NFAT5: variants seen among roughly 807,000 people sequenced by gnomAD.
The protein encoded by NFAT5 is nuclear factor of activated T-cells 5.
In NFAT5, 31 loss-of-function variants were observed where a neutral mutation model predicts 166.5. That is an observed-to-expected ratio of 0.19 (90% CI 0.14 to 0.25). The LOEUF (loss-of-function observed/expected upper bound fraction) is 0.25, where lower values mean the gene tolerates loss of function less well. NFAT5 is among the 10% of genes least tolerant of loss of function. The pLI, the probability that NFAT5 is intolerant of heterozygous loss-of-function variation, is 1.00. For synonymous variants in NFAT5, 612 were observed against 639.7 expected, an observed-to-expected ratio of 0.96 and a Z score of 0.65; for missense variants, 1,449 against 1,821.8, an observed-to-expected ratio of 0.80 and a Z score of 3.72.
chr16:69,602,200 C>T (rs958446047), intron 2 of NFAT5, among the ~76,000 whole-genome samples: 1 of 151,390 alleles, frequency 6.6e-6, no homozygotes, highest in African/African-American at 2.4e-5. Context: ...AATTAAAATC[C>T]TTTGTGGTAC....
At chr16:69,593,161 TAGTC>T (rs1175749147) in intron 2 of NFAT5, among the ~76,000 whole-genome samples, 1 of 152,198 alleles carries the variant, frequency 6.6e-6, no homozygotes, top group African/African-American at 2.4e-5. Context: ...CAACAAATGT[TAGTC>T]AGAATTTTAT....
Position 69,693,676 on chromosome 16 carries a change from A to G in NFAT5, c.3851A>G (p.Gln1284Arg), listed in dbSNP as rs2037650717. Residue 1284 changes from glutamine (Q) to arginine (R), a missense_variant, in exon 13 of 15, where the codon CAG becomes CGG. By Grantham distance (43) the Gln-to-Arg change is conservative. Around this residue, in one of 7 missense-constraint regions of NFAT5, gnomAD observed 891 missense variants for 993.0 expected, o/e 0.90. Transcript: ENST00000349945. ...QQQQQQQQQQ[Q>R]SILFSNQNTM... Reference sequence around the variant, plus strand: ...CAGCAACAGCAGCAGCAACAACAACAGAGCATTTTATTCAGTAATCAGAAT... The same window carrying G: ...CAGCAACAGCAGCAGCAACAACAACGGAGCATTTTATTCAGTAATCAGAAT... 1 of 1,614,258 alleles carries G rather than the reference A, an allele frequency of 6.2e-7. No individual in the cohort carries two copies. Among genetic ancestry groups the G allele is most frequent in the South Asian group, 1.1e-5 (1 of 91,090 alleles).
intron 2 of NFAT5, among the ~76,000 whole-genome samples, chr16:69,572,836 A>G (rs2016521445): frequency 6.6e-6 from 1 of 151,834 alleles, no homozygotes; most frequent in African/African-American, 2.4e-5. Context: ...AATCTTTGTT[A>G]TTTATTTATT....
chr16:69,669,950 T>A (rs1170668167), intron 7 of NFAT5, 27 bp from the exon 8 acceptor site: 22 of 1,533,120 alleles, frequency 1.4e-5, no homozygotes, highest in Non-Finnish European at 1.7e-5. Flanking sequence ...GTGGTTCTTC[T>A]TATAGAATGC....
intron 6 of NFAT5, among the ~76,000 whole-genome samples, chr16:69,659,425 A>G (rs1264829174): frequency 2.6e-5 from 4 of 152,068 alleles, no homozygotes; most frequent in African/African-American, 7.2e-5. Flanking sequence ...CCTGGGTGAC[A>G]GTGAGACTCC....
At chr16:69,655,839 CTT>C (rs771780261) in intron 6 of NFAT5, 40 bp downstream of exon 6, 12 of 1,475,914 alleles carry the variant, frequency 8.1e-6, no homozygotes, top group Non-Finnish European at 1.1e-5. Context: ...ACATTACACT[CTT>C]GTGTTAGGCA....
At chr16:69,672,952 A>G (rs1242501658) in intron 9 of NFAT5, among the ~76,000 whole-genome samples, 1 of 152,216 alleles carries the variant, frequency 6.6e-6, no homozygotes, top group African/African-American at 2.4e-5. Context: ...AAATTGTAGT[A>G]TTAACTTGCT....
At chr16:69,651,771 A>G (rs760526760) in intron 4 of NFAT5, among the ~76,000 whole-genome samples, 1 of 151,862 alleles carries the variant, frequency 6.6e-6, no homozygotes, top group African/African-American at 2.4e-5. Flanking sequence ...CCTGGGTTCA[A>G]GTGATTCTCC....
intron 2 of NFAT5, among the ~76,000 whole-genome samples, chr16:69,584,620 C>A (rs749308406): frequency 6.6e-6 from 1 of 151,604 alleles, no homozygotes; most frequent in Admixed American, 6.6e-5. Context: ...AAGACACCAT[C>A]TCTACAAAAA....
intron 2 of NFAT5, among the ~76,000 whole-genome samples, chr16:69,572,894 G>A (rs985255185): frequency 6.6e-6 from 1 of 152,060 alleles, no homozygotes; most frequent in African/African-American, 2.4e-5. Flanking sequence ...CCAGGCTGGA[G>A]TGCAGTGGCA....
At chr16:69,610,352 C>G (rs1485796212) in intron 2 of NFAT5, among the ~76,000 whole-genome samples, 1 of 151,886 alleles carries the variant, frequency 6.6e-6, no homozygotes, top group African/African-American at 2.4e-5. Context: ...TTTTGTTTGT[C>G]TAATATTTTT....
intron 3 of NFAT5, chr16:69,646,482 C>G (rs1326849497): frequency 2.0e-6 from 2 of 1,013,970 alleles, no homozygotes; most frequent in Admixed American, 5.7e-5. Flanking sequence ...ATCAGCAGCT[C>G]TTTTCTCATT....
At chr16:69,687,266 C>G (rs151224625) in intron 11 of NFAT5, among the ~76,000 whole-genome samples, 3,357 of 152,062 alleles carry the variant, frequency 0.022, 48 homozygotes, top group South Asian at 0.064. Context: ...CATGGCAAAA[C>G]CCTGTCTCTA....
intron 2 of NFAT5, among the ~76,000 whole-genome samples, chr16:69,572,352 T>G (rs1455122385): frequency 2.0e-5 from 3 of 152,182 alleles, no homozygotes; most frequent in African/African-American, 7.2e-5. Context: ...GTAACTTGTG[T>G]TACAAAAATC....
intron 2 of NFAT5, among the ~76,000 whole-genome samples, chr16:69,593,884 T>C (rs558011247): frequency 6.2e-4 from 94 of 152,346 alleles, no homozygotes; most frequent in Non-Finnish European, 1.1e-3. Context: ...GATCCTGTTT[T>C]CAGCTGTATC....
At chr16:69,646,676 A>G in intron 3 of NFAT5, 1 of 302,630 alleles carries the variant, frequency 3.3e-6, no homozygotes, top group Non-Finnish European at 5.7e-6. Flanking sequence ...GACCACCAGC[A>G]TATATTTCAT....
chr16:69,690,706 T>G, intron 11 of NFAT5: 1 of 259,250 alleles, frequency 3.9e-6, no homozygotes, highest in East Asian at 7.3e-5. Flanking sequence ...TTGAACTGCT[T>G]AAGCTTATTA....
intron 2 of NFAT5, 32 bp from the exon 3 acceptor site, chr16:69,626,371 A>C: frequency 6.4e-7 from 1 of 1,550,998 alleles, no homozygotes; most frequent in Non-Finnish European, 8.7e-7. Context: ...TCTTTTAAAA[A>C]TTGTTTTCTC....
chr16:69,702,705 T>G lies in NFAT5; in HGVS notation c.*6354T>G, dbSNP rs577576601. The G allele has an allele frequency of 1.3e-5, 2 of 152,752 alleles. No homozygotes were observed. The highest frequency in any genetic ancestry group is 4.1e-4 in the South Asian group (2 of 4,828). 9.5% of individuals were successfully genotyped at this position (152,752 alleles called of 1,614,324 possible). Reference sequence around the variant, plus strand: ...TGATTCTGATGCACACTTTAAAGTTTAGGAACCACTGGGCTAAGACTCTGT... The same window carrying G: ...TGATTCTGATGCACACTTTAAAGTTGAGGAACCACTGGGCTAAGACTCTGT... On this transcript the variant is annotated 3_prime_UTR_variant, in exon 15 of 15. Coordinates refer to ENST00000349945, the MANE Select transcript of NFAT5 (RefSeq NM_138713.4).
Sources: allele counts gnomAD v4.1 joint callset (sites outside exome capture counted in the v4.1 genomes callset), GRCh38; gene constraint gnomAD v4.1.1; regional missense constraint gnomAD v4.1.1; transcripts MANE v1.5; gene names NCBI Gene and HGNC (gene_info 2026-07-23, HGNC 2026-07-21).